GALNT17: variants seen among roughly 807,000 people sequenced by gnomAD.
GALNT17 encodes the protein UDP-GalNAc:polypeptide N-acetylgalactosaminyltransferase-like 3.
Under a neutral mutation model 63.7 loss-of-function variants are expected in GALNT17, and 29 were observed. That is an observed-to-expected ratio of 0.46 (90% CI 0.34 to 0.62). The LOEUF (loss-of-function observed/expected upper bound fraction) is 0.62, where lower values mean the gene tolerates loss of function less well. Ranked by LOEUF, GALNT17 falls within the 20% of genes least tolerant of loss-of-function variation. The pLI is 0.01. For synonymous variants in GALNT17, 305 were observed against 318.3 expected (o/e 0.96, Z 0.45); for missense variants, 603 against 799.6 (o/e 0.75, Z 2.97).
chr7:71,501,618 G>A (rs533452797), intron 5 of GALNT17, among the ~76,000 whole-genome samples: 1 of 152,156 alleles, frequency 6.6e-6, no homozygotes, highest in African/African-American at 2.4e-5. Context: ...CCCTAGATGG[G>A]TCTTCTCTGG....
chr7:71,431,327 C>T (rs1485339918), intron 5 of GALNT17, among the ~76,000 whole-genome samples: 3 of 150,778 alleles, frequency 2.0e-5, no homozygotes, highest in Non-Finnish European at 4.4e-5. Flanking sequence ...TCTCCCGCCT[C>T]AGCCTCCTGA....
At chr7:71,272,545 A>G (rs1414268540) in intron 1 of GALNT17, among the ~76,000 whole-genome samples, 1 of 148,780 alleles carries the variant, frequency 6.7e-6, no homozygotes. Context: ...GATGTCATGC[A>G]GGCTTTTGTA....
intron 2 of GALNT17, among the ~76,000 whole-genome samples, chr7:71,341,428 AT>A (rs1792003057): frequency 6.6e-6 from 1 of 152,190 alleles, no homozygotes; most frequent in Non-Finnish European, 1.5e-5. Context: ...GAGCTTTCAG[AT>A]TAGAAGATCC....
chr7:71,155,492 T>A (rs370860152), intron 1 of GALNT17, among the ~76,000 whole-genome samples: 1 of 151,746 alleles, frequency 6.6e-6, no homozygotes. Flanking sequence ...CGGGCTGGTC[T>A]CCAACTCCTG....
intron 1 of GALNT17, among the ~76,000 whole-genome samples, chr7:71,328,004 G>A (rs972496609): frequency 4.6e-5 from 7 of 152,144 alleles, no homozygotes; most frequent in African/African-American, 1.4e-4. Context: ...AAGCCAGGGG[G>A]GCAGGTGAAC....
At position 71,162,131 on chromosome 7, in the gene GALNT17, T is replaced by TCCCTC. The variant is rs1562875738; in HGVS notation, c.238+29093_238+29094insCTCCC. 7.9e-4 allele frequency among the ~76,000 whole-genome samples: 95 copies of TCCCTC among 119,864 alleles called. No homozygotes were observed. The Middle Eastern group carries it at 0.011, about 14-fold the overall frequency. The allele number at this position is 119,864 out of a possible 152,430, so 78.6% of individuals were successfully genotyped here. On this transcript the variant is annotated intron_variant, in intron 1 of 10. Coordinates refer to ENST00000333538, the MANE Select transcript of GALNT17 (RefSeq NM_022479.3). ...TTCCTCCCTCCCTCCCTCCCTTCCT[T>TCCCTC]CCTTCCTTCCTTCCTTCCTTCCTTC...
chr7:71,279,182 C>T (rs946431690), intron 1 of GALNT17, among the ~76,000 whole-genome samples: 1 of 151,978 alleles, frequency 6.6e-6, no homozygotes, highest in African/African-American at 2.4e-5. Flanking sequence ...CTTGGCCTCC[C>T]AACCCTCTGT....
intron 1 of GALNT17, among the ~76,000 whole-genome samples, chr7:71,172,427 T>A (rs2116288010): frequency 6.7e-6 from 1 of 150,336 alleles, no homozygotes; most frequent in African/African-American, 2.5e-5. Flanking sequence ...ACCACTGTAT[T>A]GCAGCCCGGG....
At chr7:71,623,996 A>C (rs9638299) in intron 6 of GALNT17, among the ~76,000 whole-genome samples, 152,269 of 152,302 alleles carry the variant, frequency 1, 76,118 homozygotes, top group Non-Finnish European at 1. Context: ...TCCCCCAGGA[A>C]GTCAAGGAAG....
chr7:71,215,209 A>T (rs1431039492), intron 1 of GALNT17, among the ~76,000 whole-genome samples: 3 of 152,162 alleles, frequency 2.0e-5, no homozygotes, highest in Non-Finnish European at 4.4e-5. Flanking sequence ...ACCAGAGTCC[A>T]GTTCCGGATT....
chr7:71,365,613 G>A (rs1350206616), intron 2 of GALNT17, among the ~76,000 whole-genome samples: 2 of 152,152 alleles, frequency 1.3e-5, no homozygotes, highest in South Asian at 2.1e-4. Context: ...GTATTGAAAT[G>A]TGCAGATGTC....
At chr7:71,617,830 A>G (rs1790237347) in intron 6 of GALNT17, among the ~76,000 whole-genome samples, 1 of 151,928 alleles carries the variant, frequency 6.6e-6, no homozygotes, top group African/African-American at 2.4e-5. Flanking sequence ...TATTTTTAGT[A>G]GAGACAGGAT....
chr7:71,666,314 A>G (rs1341800706), intron 7 of GALNT17, among the ~76,000 whole-genome samples: 1 of 148,858 alleles, frequency 6.7e-6, no homozygotes, highest in Non-Finnish European at 1.5e-5. Context: ...CTGTGTGTGT[A>G]TATATATGTA....
chr7:71,425,315 C>T (rs569042020), intron 5 of GALNT17, among the ~76,000 whole-genome samples: 15 of 152,106 alleles, frequency 9.9e-5, no homozygotes, highest in South Asian at 2.1e-4. Flanking sequence ...CTCTGCCTCC[C>T]GGGTTCGAGC....
intron 1 of GALNT17, among the ~76,000 whole-genome samples, chr7:71,233,914 C>A (rs551483035): frequency 6.6e-6 from 1 of 152,128 alleles, no homozygotes; most frequent in Non-Finnish European, 1.5e-5. Context: ...GAAGCAGGCA[C>A]GTCTCACATG....
At chr7:71,295,577 C>T (rs1351347024) in intron 1 of GALNT17, among the ~76,000 whole-genome samples, 1 of 148,378 alleles carries the variant, frequency 6.7e-6, no homozygotes, top group Non-Finnish European at 1.5e-5. Flanking sequence ...TTTCCTTTTC[C>T]TACCTTCCTT....
chr7:71,546,161 C>CTT (rs34711093), intron 5 of GALNT17, among the ~76,000 whole-genome samples: 29,574 of 136,442 alleles, frequency 0.22, 4,296 homozygotes, highest in Non-Finnish European at 0.32. Context: ...TTGAGGGACA[C>CTT]TTTTTTTTTT....
intron 5 of GALNT17, among the ~76,000 whole-genome samples, chr7:71,537,640 T>C (rs940645545): frequency 6.6e-6 from 1 of 152,060 alleles, no homozygotes; most frequent in African/African-American, 2.4e-5. Context: ...GGCGAAACCC[T>C]GTCTGTGCTA....
chr7:71,690,268 C>G (rs1791422426), intron 9 of GALNT17, among the ~76,000 whole-genome samples: 1 of 152,052 alleles, frequency 6.6e-6, no homozygotes, highest in Non-Finnish European at 1.5e-5. Context: ...TCAAGATCCA[C>G]CCTTCTTGGC....
Sources: gnomAD v4.1 joint callset for allele counts (sites outside exome capture counted in the v4.1 genomes callset) on GRCh38, gnomAD v4.1.1 for gene constraint, MANE v1.5 for transcripts, NCBI Gene and HGNC (gene_info 2026-07-23, HGNC 2026-07-21) for gene names.